RUNX2: variants seen among roughly 807,000 people sequenced by gnomAD.
RUNX2 encodes the protein runt-related transcription factor 2.
Under a neutral mutation model 51.7 loss-of-function variants are expected in RUNX2, and 10 were observed. The observed-to-expected ratio is 0.19, with a 90% CI of 0.12 to 0.33. The LOEUF is 0.33. Among genes scored for constraint, RUNX2 ranks in the 10% least tolerant of loss-of-function variants. The pLI is 1.00. For missense variants in RUNX2, 562 were observed against 691.3 expected (o/e 0.81, Z 2.10); for synonymous variants, 276 against 273.6 (o/e 1.01, Z -0.09).
chr6:45,434,422 A>T (rs1449138594), intron 4 of RUNX2, among the ~76,000 whole-genome samples: 1 of 152,008 alleles, frequency 6.6e-6, no homozygotes, highest in African/African-American at 2.4e-5. Flanking sequence ...ATAAAAAAAC[A>T]CCAAGTTCCT....
At position 45,549,370 on chromosome 6, in the gene RUNX2, C is replaced by T; in HGVS notation, c.*2065C>T. 2.5e-6 allele frequency: 1 copy of T among 398,560 alleles called. No homozygotes were observed. The allele number at this position is 398,560 out of a possible 1,614,324, so 24.7% of individuals were successfully genotyped here. A position where few individuals can be genotyped will look rare whatever the true frequency, so the allele number is the denominator to read the frequency against. On this transcript the variant is annotated 3_prime_UTR_variant, in exon 9 of 9. Coordinates refer to ENST00000647337, the MANE Select transcript of RUNX2 (RefSeq NM_001024630.4). ...CAGGACAGCGTGTGGGGCAGCTGGA[C>T]CTGTGCTTCCTGCCTGGGAGTCTCC...
At chr6:45,512,186 G>A in intron 6 of RUNX2, 60 bp from the exon 7 acceptor site, 5 of 1,555,430 alleles carry the variant, frequency 3.2e-6, no homozygotes, top group South Asian at 2.2e-5. Context: ...GTTTTGGGTT[G>A]CATGTTTCTA....
intron 7 of RUNX2, among the ~76,000 whole-genome samples, chr6:45,524,784 C>T (rs1375000863): frequency 1.3e-5 from 2 of 152,300 alleles, no homozygotes; most frequent in Non-Finnish European, 2.9e-5. Context: ...CCAAACTACA[C>T]CTTAGGAAAA....
intron 4 of RUNX2, among the ~76,000 whole-genome samples, chr6:45,435,349 AATCTATTTT>A (rs1798652215): frequency 6.6e-6 from 1 of 152,078 alleles, no homozygotes; most frequent in Non-Finnish European, 1.5e-5. Flanking sequence ...ATTTATGGAC[AATCTATTTT>A]ATCTTTTTTT....
chr6:45,354,122 G>A (rs1047818578), intron 2 of RUNX2, among the ~76,000 whole-genome samples: 16 of 152,106 alleles, frequency 1.1e-4, no homozygotes, highest in African/African-American at 3.1e-4. Flanking sequence ...GAAAAATTAG[G>A]AAGTTAGTAT....
chr6:45,495,523 T>C (rs895341562), intron 6 of RUNX2, among the ~76,000 whole-genome samples: 4 of 152,190 alleles, frequency 2.6e-5, no homozygotes, highest in African/African-American at 4.8e-5. Flanking sequence ...TTTTGTAACT[T>C]CTTTGCAATA....
chr6:45,531,283 C>T (rs1269840753), intron 7 of RUNX2, among the ~76,000 whole-genome samples: 1 of 152,102 alleles, frequency 6.6e-6, no homozygotes, highest in African/African-American at 2.4e-5. Context: ...CTGGATAACA[C>T]CATTAATCCT....
At chr6:45,365,153 GAATA>G (rs1794913124) in intron 2 of RUNX2, 1 of 1,138,018 alleles carries the variant, frequency 8.8e-7, no homozygotes, top group Admixed American at 2.1e-5. Context: ...CTTTCAACAT[GAATA>G]AATTTAAAAT....
chr6:45,372,824 A>C (rs1395334394), intron 2 of RUNX2, among the ~76,000 whole-genome samples: 2 of 151,884 alleles, frequency 1.3e-5, no homozygotes, highest in East Asian at 3.9e-4. Context: ...AAGCTCAGCT[A>C]CATTTTTTTT....
chr6:45,360,354 A>G (rs1487910736), intron 2 of RUNX2, among the ~76,000 whole-genome samples: 4 of 152,190 alleles, frequency 2.6e-5, no homozygotes, highest in Non-Finnish European at 4.4e-5. Context: ...ACAAGCATTC[A>G]TTATTATCAC....
intron 5 of RUNX2, among the ~76,000 whole-genome samples, chr6:45,451,868 C>G (rs1000028594): frequency 2.6e-5 from 4 of 152,168 alleles, no homozygotes; most frequent in African/African-American, 9.7e-5. Context: ...AAATCAAAGG[C>G]ATGATTTCTG....
intron 3 of RUNX2, among the ~76,000 whole-genome samples, chr6:45,429,760 C>A (rs575942183): frequency 4.6e-5 from 7 of 152,182 alleles, no homozygotes; most frequent in Admixed American, 6.5e-5. Context: ...TCTGTCTCTG[C>A]GAAGTGGGGC....
intron 5 of RUNX2, among the ~76,000 whole-genome samples, chr6:45,456,767 G>A (rs572182879): frequency 1.1e-4 from 16 of 152,182 alleles, no homozygotes; most frequent in African/African-American, 3.9e-4. Context: ...TTCTGTATTT[G>A]CATAGCATAC....
chr6:45,475,152 C>T (rs1391110558), intron 5 of RUNX2, among the ~76,000 whole-genome samples: 1 of 149,498 alleles, frequency 6.7e-6, no homozygotes, highest in East Asian at 2.0e-4. Context: ...GAAGCTTAAT[C>T]TGTTTTAGGA....
At chr6:45,494,072 T>C (rs1351971063) in intron 6 of RUNX2, among the ~76,000 whole-genome samples, 3 of 152,026 alleles carry the variant, frequency 2.0e-5, no homozygotes, top group African/African-American at 7.3e-5. Flanking sequence ...TTTTAGAACC[T>C]AAAGGTACCT....
intron 2 of RUNX2, among the ~76,000 whole-genome samples, chr6:45,387,833 G>A (rs1263402143): frequency 6.6e-6 from 1 of 152,154 alleles, no homozygotes; most frequent in Admixed American, 6.6e-5. Context: ...ATGCTAAAAC[G>A]AGAATCAGGA....
intron 7 of RUNX2, among the ~76,000 whole-genome samples, chr6:45,513,148 G>A (rs181808324): frequency 7.2e-5 from 11 of 152,260 alleles, no homozygotes; most frequent in Non-Finnish European, 7.4e-5. Context: ...GCCAGAAAGT[G>A]TTCACAAAAA....
At chr6:45,449,593 C>T (rs1232002268) in intron 5 of RUNX2, among the ~76,000 whole-genome samples, 1 of 152,144 alleles carries the variant, frequency 6.6e-6, no homozygotes, top group Non-Finnish European at 1.5e-5. Context: ...CCAGGGGATT[C>T]TTGGTTGATG....
intron 5 of RUNX2, among the ~76,000 whole-genome samples, chr6:45,485,695 G>GTATATATATATATATATATA (rs1389655363): frequency 0.011 from 1,141 of 106,512 alleles, 29 homozygotes; most frequent in Middle Eastern, 0.02. Context: ...GTGTGTGTGT[G>GTATATATATATATATATATA]TGTATATATA....
Sources: gnomAD v4.1 joint callset for allele counts (sites outside exome capture counted in the v4.1 genomes callset) on GRCh38, gnomAD v4.1.1 for gene constraint, MANE v1.5 for transcripts, NCBI Gene and HGNC (gene_info 2026-07-23, HGNC 2026-07-21) for gene names.